NDUFA9: variants seen among roughly 807,000 people sequenced by gnomAD.
The protein encoded by NDUFA9 is NADH dehydrogenase [ubiquinone] 1 alpha subcomplex subunit 9, mitochondrial.
Under a neutral mutation model 45.9 loss-of-function variants are expected in NDUFA9, and 23 were observed. The observed-to-expected ratio is 0.50, with a 90% confidence interval of 0.36 to 0.71. NDUFA9 has a LOEUF of 0.71. Ranked by LOEUF, NDUFA9 falls within the 30% of genes least tolerant of loss-of-function variation. The pLI is 0.00. For missense variants in NDUFA9, 466 were observed against 488.2 expected (o/e 0.95, Z 0.43); for synonymous variants, 176 against 170.5 (o/e 1.03, Z -0.25).
At chr12:4,673,036 C>T (rs1321287772) in intron 8 of NDUFA9, among the ~76,000 whole-genome samples, 2 of 152,208 alleles carry the variant, frequency 1.3e-5, no homozygotes, top group Non-Finnish European at 2.9e-5. Context: ...GAGGAAGGAA[C>T]AGGCAACAAT....
intron 8 of NDUFA9, among the ~76,000 whole-genome samples, chr12:4,680,754 T>G (rs906398208): frequency 1.3e-5 from 2 of 152,202 alleles, no homozygotes; most frequent in African/African-American, 4.8e-5. Context: ...TTTAGTAAAG[T>G]ATGTCAGAAT....
At chr12:4,663,528 C>G (rs1367406774) in intron 6 of NDUFA9, among the ~76,000 whole-genome samples, 1 of 152,120 alleles carries the variant, frequency 6.6e-6, no homozygotes, top group Non-Finnish European at 1.5e-5. Context: ...CTCTCTCTCC[C>G]TGTGTGCACA....
At position 4,649,989 on chromosome 12, in the gene NDUFA9, A is replaced by T. The variant is rs1014721866; in HGVS notation, c.49+814A>T. 6.6e-5 allele frequency among the ~76,000 whole-genome samples: 10 copies of T among 152,196 alleles called. 1 individual carries two copies. Among genetic ancestry groups the T allele is most frequent in the Admixed American group, 5.9e-4 (9 of 15,282 alleles). The stretch of plus-strand genomic sequence containing the variant: ...TTTCACCCTCTACTCTTCCACAAAC[A>T]TATTCCAATCAAACCCCCAAAGTTG... On this transcript the variant is annotated intron_variant, in intron 1 of 10. Transcript: ENST00000266544.
At chr12:4,653,431 T>C (rs1945770887) in intron 1 of NDUFA9, 4 of 288,784 alleles carry the variant, frequency 1.4e-5, no homozygotes, top group South Asian at 9.2e-5. Flanking sequence ...GTAGTGAGTT[T>C]CCCAACTCCA....
At chr12:4,678,998 G>C (rs751490834) in intron 8 of NDUFA9, among the ~76,000 whole-genome samples, 16 of 152,128 alleles carry the variant, frequency 1.1e-4, no homozygotes, top group Non-Finnish European at 2.4e-4. Context: ...TATCATAAAT[G>C]CTAAAAATTG....
Position 4,672,220 on chromosome 12 carries a change from A to G in NDUFA9, c.800+2403A>G, listed in dbSNP as rs1019977724. Among the ~76,000 whole-genome samples, 9 of 152,164 alleles carry G rather than the reference A, an allele frequency of 5.9e-5. No homozygotes were observed. In the East Asian group the frequency reaches 1.2e-3, roughly 20 times the overall value. ...CTGGCCCAGATACTGCGCTTTTCCC[A>G]TGGTCTTTGCAATCCGCAGACCAGG... is the stretch of plus-strand genomic sequence containing the variant. On this transcript the variant is annotated intron_variant, in intron 8 of 10. Coordinates refer to ENST00000266544, the MANE Select transcript of NDUFA9 (RefSeq NM_005002.5).
At chr12:4,665,837 T>A (rs566767476) in intron 6 of NDUFA9, among the ~76,000 whole-genome samples, 2 of 152,022 alleles carry the variant, frequency 1.3e-5, no homozygotes, top group Non-Finnish European at 2.9e-5. Context: ...TGAGATTGGG[T>A]CTTGCTCTGT....
chr12:4,674,917 A>C (rs1945909851), intron 8 of NDUFA9, among the ~76,000 whole-genome samples: 1 of 152,174 alleles, frequency 6.6e-6, no homozygotes, highest in Non-Finnish European at 1.5e-5. Flanking sequence ...CACATAATTG[A>C]AAGTAAAACA....
intron 1 of NDUFA9, among the ~76,000 whole-genome samples, chr12:4,653,215 G>A (rs1332957145): frequency 2.0e-5 from 3 of 152,208 alleles, no homozygotes; most frequent in African/African-American, 4.8e-5. Context: ...ATATTTGACA[G>A]GACAGGGAAT....
At chr12:4,683,918 A>T (rs1379929483) in intron 9 of NDUFA9, among the ~76,000 whole-genome samples, 1 of 152,224 alleles carries the variant, frequency 6.6e-6, no homozygotes, top group African/African-American at 2.4e-5. Context: ...GTCAAATAAG[A>T]TAAAGGACCA....
chr12:4,684,557 C>T (rs1163097958), intron 9 of NDUFA9, among the ~76,000 whole-genome samples: 2 of 152,076 alleles, frequency 1.3e-5, no homozygotes, highest in Admixed American at 6.6e-5. Flanking sequence ...ATCACTTGAG[C>T]CTGGGAGTGT....
intron 7 of NDUFA9, 86 bp downstream of exon 7, chr12:4,668,610 AG>A (rs1383929547): frequency 8.2e-7 from 1 of 1,216,172 alleles, no homozygotes; most frequent in Non-Finnish European, 1.2e-6. Flanking sequence ...GTCCTAATTT[AG>A]TAACTCTGTC....
At chr12:4,675,452 A>G (rs985000237) in intron 8 of NDUFA9, among the ~76,000 whole-genome samples, 4 of 152,162 alleles carry the variant, frequency 2.6e-5, no homozygotes, top group Non-Finnish European at 5.9e-5. Context: ...AATCAAATAG[A>G]TGCAATAAAA....
rs181022073 is a variant in NDUFA9 at position 4,664,707 on chromosome 12, C to T, written c.655+2072C>T. ...AGTAGGTCCTAGAAGTTAGAACTAC[C>T]GCTTCAGTGGGTCCTGAAGGTGAGA... On this transcript the variant is annotated intron_variant, in intron 6 of 10. Coordinates refer to ENST00000266544, the MANE Select transcript of NDUFA9 (RefSeq NM_005002.5). 4.6e-5 allele frequency among the ~76,000 whole-genome samples: 7 copies of T among 152,292 alleles called. No individual in the cohort carries two copies. In the East Asian group the frequency reaches 1.2e-3, roughly 25 times the overall value.
intron 6 of NDUFA9, among the ~76,000 whole-genome samples, chr12:4,667,962 A>C (rs1338118213): frequency 6.6e-6 from 1 of 152,224 alleles, no homozygotes; most frequent in African/African-American, 2.4e-5. Flanking sequence ...AAATAGCAGA[A>C]TAATTGTGCC....
chr12:4,654,565 T>C, intron 2 of NDUFA9, 103 bp downstream of exon 2: 1 of 1,323,010 alleles, frequency 7.6e-7, no homozygotes, highest in East Asian at 2.3e-5. Context: ...GTATTATGAA[T>C]TACTCCTGTC....
chr12:4,667,601 TC>T, intron 6 of NDUFA9: 1 of 202,974 alleles, frequency 4.9e-6, no homozygotes. Flanking sequence ...AACCTCTGCC[TC>T]CCAGGTTCAA....
chr12:4,651,500 A>G (rs1210092817), intron 1 of NDUFA9, among the ~76,000 whole-genome samples: 1 of 152,102 alleles, frequency 6.6e-6, no homozygotes, highest in Non-Finnish European at 1.5e-5. Flanking sequence ...TTCTTGGCCC[A>G]TAATTATTAA....
chr12:4,654,611 A>G, intron 2 of NDUFA9, 149 bp downstream of exon 2: 1 of 963,398 alleles, frequency 1.0e-6, no homozygotes, highest in Non-Finnish European at 1.5e-6. Flanking sequence ...TGTGACATGA[A>G]GAGCACACTC....
Sources: gnomAD v4.1 joint callset for allele counts (sites outside exome capture counted in the v4.1 genomes callset) on GRCh38, gnomAD v4.1.1 for gene constraint, MANE v1.5 for transcripts, NCBI Gene and HGNC (gene_info 2026-07-23, HGNC 2026-07-21) for gene names.